CLASP1: variants seen among roughly 807,000 people sequenced by gnomAD.
CLASP1 encodes the protein cytoplasmic linker associated protein 1.
In CLASP1, 38 loss-of-function variants were observed where a neutral mutation model predicts 192.3. The ratio of observed to expected loss-of-function variants is 0.20; its 90% confidence interval spans 0.15 to 0.26. The LOEUF (loss-of-function observed/expected upper bound fraction) is 0.26, where lower values mean the gene tolerates loss of function less well. CLASP1 is among the 10% of genes least tolerant of loss of function. The pLI, the probability that CLASP1 is intolerant of heterozygous loss-of-function variation, is 1.00. For synonymous variants in CLASP1, 691 were observed against 712.8 expected, an observed-to-expected ratio of 0.97 and a Z score of 0.49; for missense variants, 1,433 against 1,932.5, an observed-to-expected ratio of 0.74 and a Z score of 4.85.
chr2:121,440,278 T>C (rs1324981917), intron 19 of CLASP1, among the ~76,000 whole-genome samples: 1 of 152,160 alleles, frequency 6.6e-6, no homozygotes, highest in Admixed American at 6.5e-5. Flanking sequence ...TAGGAAAAGG[T>C]GTCTTTTGTT....
intron 8 of CLASP1, among the ~76,000 whole-genome samples, chr2:121,478,510 A>C (rs1452796045): frequency 6.6e-6 from 1 of 151,942 alleles, no homozygotes; most frequent in African/African-American, 2.4e-5. Flanking sequence ...CTGAGGCAGG[A>C]GGATCGCCTG....
intron 35 of CLASP1, among the ~76,000 whole-genome samples, chr2:121,365,986 TAGAG>T (rs547056975): frequency 6.6e-6 from 1 of 152,122 alleles, no homozygotes; most frequent in African/African-American, 2.4e-5. Flanking sequence ...CAACTTTAAA[TAGAG>T]AGGATGAAAA....
Position 121,457,681 on chromosome 2 carries a change from A to C in CLASP1, c.1385+6T>G, listed in dbSNP as rs1456292258. On this transcript the variant is annotated splice_donor_region_variant and intron_variant, in intron 14 of 39. Coordinates refer to ENST00000263710, the Ensembl canonical transcript of CLASP1. ...AAAAACAATGAGAAAATCCTTTAAA[A>C]TTTACCTTCTAACTGCGACAGACTT... is the stretch of plus-strand genomic sequence containing the variant. 3 of 1,603,836 alleles carry C rather than the reference A, an allele frequency of 1.9e-6. No homozygotes were observed. Among genetic ancestry groups the C allele is most frequent in the Non-Finnish European group, 2.6e-6 (3 of 1,172,688 alleles).
rs375066134 is a variant in CLASP1 at position 121,382,909 on chromosome 2, G to A, written c.3375-585C>T. Among the ~76,000 whole-genome samples, 8 of 152,186 alleles carry A rather than the reference G, an allele frequency of 5.3e-5. 1 individual carries two copies. Among genetic ancestry groups the A allele is most frequent in the Admixed American group, 2.0e-4 (3 of 15,276 alleles). On this transcript the variant is annotated intron_variant, in intron 32 of 39. Transcript: ENST00000263710. ...CAAGCTGTTTCCTTCTGAAACAACC[G>A]TAGCACCACTAGAGGGCTAGCATGT...
At chr2:121,486,018 C>G (rs891190409) in intron 8 of CLASP1, among the ~76,000 whole-genome samples, 1 of 152,122 alleles carries the variant, frequency 6.6e-6, no homozygotes, top group Non-Finnish European at 1.5e-5. Context: ...ACCAGGCAGG[C>G]ATGAGGAAAG....
At chr2:121,448,147 G>A in intron 18 of CLASP1, 129 bp downstream of exon 18, 2 of 762,772 alleles carry the variant, frequency 2.6e-6, no homozygotes, top group South Asian at 1.5e-5. Flanking sequence ...GGGCAGAGCA[G>A]GCAACATTCA....
chr2:121,456,387 G>A (rs910062200), intron 14 of CLASP1, among the ~76,000 whole-genome samples: 2 of 151,546 alleles, frequency 1.3e-5, no homozygotes, highest in Non-Finnish European at 2.9e-5. Context: ...CCATGGTGGT[G>A]TGTGCCTATA....
intron 2 of CLASP1, among the ~76,000 whole-genome samples, chr2:121,594,233 G>A (rs1386362212): frequency 3.3e-5 from 5 of 150,384 alleles, no homozygotes; most frequent in African/African-American, 1.2e-4. Context: ...CCGGGAGGCG[G>A]AGCTTTCAGT....
chr2:121,469,430 AGTCTT>A (rs1345146204), intron 9 of CLASP1, among the ~76,000 whole-genome samples: 2 of 152,142 alleles, frequency 1.3e-5, no homozygotes, highest in African/African-American at 2.4e-5. Flanking sequence ...GATTATTCTC[AGTCTT>A]GTTAAATAGA....
chr2:121,549,768 G>A (rs182015889), intron 2 of CLASP1, among the ~76,000 whole-genome samples: 1 of 149,886 alleles, frequency 6.7e-6, no homozygotes, highest in African/African-American at 2.5e-5. Context: ...CACTGTGGGA[G>A]GCAGAGGCGG....
At chr2:121,626,228 A>G (rs2068342376) in intron 1 of CLASP1, among the ~76,000 whole-genome samples, 1 of 152,186 alleles carries the variant, frequency 6.6e-6, no homozygotes, top group Non-Finnish European at 1.5e-5. Flanking sequence ...AACTCTATTA[A>G]GTCCTGGGTA....
In CLASP1 at chr2:121,517,515, G is replaced by C. The variant is rs1258716020; in HGVS notation, c.547-1753C>G. 3.3e-5 allele frequency among the ~76,000 whole-genome samples: 5 copies of C among 152,236 alleles called. No individual in the cohort carries two copies. In the South Asian group the frequency reaches 1.0e-3, roughly 32 times the overall value. On this transcript the variant is annotated intron_variant, in intron 6 of 39. Transcript: ENST00000263710. Reference sequence around the variant, plus strand: ...AACTGTGTGCCCCCAAAATTCAAATGATGAAGCCCTAACTCTCCAACATAT... The same window carrying C: ...AACTGTGTGCCCCCAAAATTCAAATCATGAAGCCCTAACTCTCCAACATAT...
chr2:121,626,020 A>T (rs2068287806), intron 1 of CLASP1, among the ~76,000 whole-genome samples: 2 of 151,984 alleles, frequency 1.3e-5, no homozygotes, highest in East Asian at 3.9e-4. Flanking sequence ...AATCACTTTG[A>T]ACACAGGAGG....
chr2:121,376,267 GAATC>G (rs2070101853), intron 34 of CLASP1, among the ~76,000 whole-genome samples: 2 of 152,208 alleles, frequency 1.3e-5, no homozygotes, highest in South Asian at 4.2e-4. Flanking sequence ...CCAAGATACA[GAATC>G]AATCTAAGTG....
chr2:121,432,250 G>GGGATTAC (rs1258741706), intron 19 of CLASP1, among the ~76,000 whole-genome samples: 2 of 152,118 alleles, frequency 1.3e-5, no homozygotes, highest in Non-Finnish European at 2.9e-5. Flanking sequence ...CCCAGTAGCT[G>GGGATTAC]GGATTACAGG....
intron 23 of CLASP1, among the ~76,000 whole-genome samples, chr2:121,416,413 TTTGTTG>T (rs927795848): frequency 6.6e-6 from 1 of 152,188 alleles, no homozygotes; most frequent in African/African-American, 2.4e-5. Flanking sequence ...TGTCATTCTT[TTTGTTG>T]TTGTTGTTGT....
chr2:121,358,682 C>T (rs1209258641), intron 37 of CLASP1, among the ~76,000 whole-genome samples: 3 of 152,176 alleles, frequency 2.0e-5, no homozygotes, highest in Non-Finnish European at 2.9e-5. Context: ...TCTGATTTTG[C>T]CATTTTAATT....
chr2:121,345,963 AG>A (rs2063402749), intron 39 of CLASP1, among the ~76,000 whole-genome samples: 1 of 152,188 alleles, frequency 6.6e-6, no homozygotes, highest in Non-Finnish European at 1.5e-5. Flanking sequence ...GTGTCAACAG[AG>A]CCAAGGTAGA....
chr2:121,649,074 G>A (rs1224243130), intron 1 of CLASP1, among the ~76,000 whole-genome samples: 3 of 152,192 alleles, frequency 2.0e-5, no homozygotes, highest in Non-Finnish European at 4.4e-5. Flanking sequence ...CCCGGGTGGG[G>A]TCTGGAAAAG....
Sources: allele counts gnomAD v4.1 joint callset (sites outside exome capture counted in the v4.1 genomes callset), GRCh38; gene constraint gnomAD v4.1.1; transcripts MANE v1.5; gene names NCBI Gene and HGNC (gene_info 2026-07-23, HGNC 2026-07-21).